The following BMAL2 variants were observed in gnomAD, a reference collection of about 807,000 sequenced individuals.
BMAL2 encodes the protein basic helix-loop-helix ARNT-like protein 2.
the BMAL2 span, chr12:27,423,019 A>G: frequency 6.6e-6 from 1 of 152,194 alleles, no homozygotes; most frequent in Admixed American, 6.5e-5. Flanking sequence ...TACTCTGTGC[A>G]TGGTTTGATC....
the BMAL2 span, among the ~76,000 whole-genome samples, chr12:27,339,905 A>G: frequency 1.3e-5 from 2 of 152,084 alleles, no homozygotes; most frequent in Non-Finnish European, 2.9e-5. Flanking sequence ...TGTCTTTTGA[A>G]AAGTGTCTCT....
chr12:27,349,674 A>G, the BMAL2 span, among the ~76,000 whole-genome samples: 11 of 152,330 alleles, frequency 7.2e-5, no homozygotes, highest in African/African-American at 2.6e-4. Context: ...TTAATGTACT[A>G]CTGAATATCT....
chr12:27,368,186 A>C, the BMAL2 span: 2 of 1,519,116 alleles, frequency 1.3e-6, no homozygotes, highest in Admixed American at 2.0e-5. Context: ...AGTCATTTAA[A>C]ATGTGTGATA....
At chr12:27,376,183 A>G in the BMAL2 span, among the ~76,000 whole-genome samples, 1 of 152,242 alleles carries the variant, frequency 6.6e-6, no homozygotes, top group Non-Finnish European at 1.5e-5. Flanking sequence ...TGTAGACAGT[A>G]AGAATCATTT....
the BMAL2 span, chr12:27,415,910 G>T: frequency 1.2e-6 from 2 of 1,607,960 alleles, no homozygotes; most frequent in African/African-American, 2.7e-5. Context: ...AGTCCAACAG[G>T]TTTAATGAAA....
chr12:27,388,582 G>A, the BMAL2 span, among the ~76,000 whole-genome samples: 3 of 152,050 alleles, frequency 2.0e-5, no homozygotes, highest in Non-Finnish European at 2.9e-5. Flanking sequence ...GGGAGTCCCG[G>A]AAGTCTAGGG....
chr12:27,336,500 A>G, the BMAL2 span, among the ~76,000 whole-genome samples: 2 of 152,054 alleles, frequency 1.3e-5, no homozygotes, highest in African/African-American at 4.8e-5. Context: ...TTTACTGATA[A>G]TTTATGCAAT....
the BMAL2 span, among the ~76,000 whole-genome samples, chr12:27,376,955 C>A: frequency 7.3e-6 from 1 of 136,918 alleles, no homozygotes; most frequent in African/African-American, 2.8e-5. Flanking sequence ...GAGCCGAAAT[C>A]GCGCCACTGC....
At chr12:27,333,116 G>A in the BMAL2 span, 1 of 1,205,050 alleles carries the variant, frequency 8.3e-7, no homozygotes, top group Non-Finnish European at 1.0e-6. Context: ...GAGGTTGCCG[G>A]TGGCGAGGCG....
chr12:27,378,447 T>C, the BMAL2 span, among the ~76,000 whole-genome samples: 1 of 152,160 alleles, frequency 6.6e-6, no homozygotes, highest in Non-Finnish European at 1.5e-5. Context: ...AACAGTATAG[T>C]CAGAAAGGAC....
At chr12:27,390,209 C>T in the BMAL2 span, 4 of 1,613,690 alleles carry the variant, frequency 2.5e-6, no homozygotes, top group Non-Finnish European at 3.4e-6. Flanking sequence ...CAAAGAAGAG[C>T]ATGGATGCTT....
the BMAL2 span, among the ~76,000 whole-genome samples, chr12:27,404,497 T>G: frequency 6.6e-6 from 1 of 152,132 alleles, no homozygotes; most frequent in Admixed American, 6.5e-5. Context: ...TAAAGGGCAT[T>G]ATGATAACTG....
chr12:27,351,946 T>A, the BMAL2 span, among the ~76,000 whole-genome samples: 3 of 152,088 alleles, frequency 2.0e-5, no homozygotes, highest in Non-Finnish European at 4.4e-5. Context: ...TTAATATTTT[T>A]AGACCATTTA....
At chr12:27,333,193 C>G in the BMAL2 span, 1 of 1,175,668 alleles carries the variant, frequency 8.5e-7, no homozygotes, top group Non-Finnish European at 1.1e-6. Flanking sequence ...GGTCTGCCCC[C>G]GCTGCCCCGA....
chr12:27,361,997 GA>G, the BMAL2 span, among the ~76,000 whole-genome samples: 1 of 150,684 alleles, frequency 6.6e-6, no homozygotes, highest in Non-Finnish European at 1.5e-5. Flanking sequence ...AGAAACATGT[GA>G]AGATCATGCT....
the BMAL2 span, among the ~76,000 whole-genome samples, chr12:27,338,750 T>C: frequency 6.6e-6 from 1 of 152,154 alleles, no homozygotes; most frequent in Middle Eastern, 3.2e-3. Context: ...TGCATCTTCT[T>C]TTTGGTTCCT....
At chr12:27,353,532 G>A in the BMAL2 span, among the ~76,000 whole-genome samples, 1 of 152,110 alleles carries the variant, frequency 6.6e-6, no homozygotes, top group South Asian at 2.1e-4. Flanking sequence ...ATTTCATAAT[G>A]TAGTCTCCAA....
the BMAL2 span, chr12:27,333,161 TG>T: frequency 8.3e-7 from 1 of 1,198,050 alleles, no homozygotes. Context: ...TCTGACGCGC[TG>T]GGGGCGTCCC....
the BMAL2 span, among the ~76,000 whole-genome samples, chr12:27,335,839 C>G: frequency 2.6e-5 from 4 of 151,904 alleles, no homozygotes; most frequent in African/African-American, 9.7e-5. Context: ...GGGACTGCCA[C>G]TCCATCAAAG....
Sources: allele counts gnomAD v4.1 joint callset (sites outside exome capture counted in the v4.1 genomes callset), GRCh38; gene constraint gnomAD v4.1.1; transcripts MANE v1.5; gene names NCBI Gene and HGNC (gene_info 2026-07-23, HGNC 2026-07-21).